The following PARP11 variants were observed in gnomAD, a reference collection of about 807,000 sequenced individuals.
PARP11 encodes protein mono-ADP-ribosyltransferase PARP11.
In PARP11, 31 loss-of-function variants were observed where a neutral mutation model predicts 42.9. That is an observed-to-expected ratio of 0.72 (90% CI 0.54 to 0.98). PARP11 has a LOEUF of 0.98. PARP11 is among the 50% of genes least tolerant of loss of function. PARP11 has a pLI of 0.00. For synonymous variants in PARP11, 137 were observed against 127.3 expected, an observed-to-expected ratio of 1.08 and a Z score of -0.51; for missense variants, 365 against 413.1, an observed-to-expected ratio of 0.88 and a Z score of 1.01.
intron 4 of PARP11, among the ~76,000 whole-genome samples, chr12:3,825,356 T>C (rs1054553479): frequency 3.3e-5 from 5 of 152,194 alleles, no homozygotes; most frequent in African/African-American, 1.2e-4. Flanking sequence ...AGCAATACTG[T>C]TGTCCACTGT....
At chr12:3,816,828 G>T (rs1303352583) in intron 6 of PARP11, among the ~76,000 whole-genome samples, 2 of 152,124 alleles carry the variant, frequency 1.3e-5, no homozygotes, top group African/African-American at 2.4e-5. Flanking sequence ...CTTGAATCCA[G>T]GAGGCGGAGG....
intron 4 of PARP11, chr12:3,824,564 A>T: frequency 7.5e-6 from 6 of 796,270 alleles, no homozygotes; most frequent in Non-Finnish European, 9.1e-6. Context: ...GACCTTCAAC[A>T]CCCTATTGTA....
intron 1 of PARP11, among the ~76,000 whole-genome samples, chr12:3,832,525 G>A (rs1473863122): frequency 6.6e-6 from 1 of 152,104 alleles, no homozygotes; most frequent in Non-Finnish European, 1.5e-5. Context: ...TAGTTTAATT[G>A]CTTTGCTTCA....
chr12:3,832,301 A>G (rs1192308566), intron 1 of PARP11, among the ~76,000 whole-genome samples: 1 of 152,204 alleles, frequency 6.6e-6, no homozygotes, highest in Non-Finnish European at 1.5e-5. Context: ...AATGTGCAGG[A>G]GAGATAAGTG....
chr12:3,823,389 T>C (rs1947444474), intron 4 of PARP11, among the ~76,000 whole-genome samples: 1 of 152,158 alleles, frequency 6.6e-6, no homozygotes, highest in South Asian at 2.1e-4. Context: ...AAAGCATACA[T>C]TTATTGCACC....
At chr12:3,842,667 T>C in intron 1 of PARP11, 1 of 613,192 alleles carries the variant, frequency 1.6e-6, no homozygotes, top group South Asian at 2.1e-5. Flanking sequence ...CAAGACATTG[T>C]GGACATGAGT....
At chr12:3,822,394 CG>C (rs1176051333) in intron 4 of PARP11, among the ~76,000 whole-genome samples, 2 of 149,868 alleles carry the variant, frequency 1.3e-5, no homozygotes, top group Non-Finnish European at 1.5e-5. Context: ...GTCAGGAGAT[CG>C]AGACCATCCT....
intron 1 of PARP11, among the ~76,000 whole-genome samples, chr12:3,849,643 G>A (rs74238893): frequency 0.14 from 20,881 of 152,150 alleles, 2,056 homozygotes; most frequent in East Asian, 0.43. Flanking sequence ...GGTTACCAGA[G>A]GCTGGGAAGG....
At position 3,828,901 on chromosome 12, in the gene PARP11, A is replaced by T. The variant is rs1947582146; in HGVS notation, c.268+9T>A. On this transcript the variant is annotated intron_variant, in intron 3 of 7. Transcript: ENST00000228820. ...TAAAAACACACAACTATTAGGGAAAAAAACATACCTGCAAAGTCTATCTTG... is the reference window on the plus strand; with the variant it reads ...TAAAAACACACAACTATTAGGGAAATAAACATACCTGCAAAGTCTATCTTG... The T allele has an allele frequency of 1.2e-6, 2 of 1,613,030 alleles. No individual in the cohort carries two copies. The highest frequency in any genetic ancestry group is 1.7e-6 in the Non-Finnish European group (2 of 1,179,334).
At chr12:3,836,112 TA>T (rs1435309323) in intron 1 of PARP11, among the ~76,000 whole-genome samples, 1 of 151,646 alleles carries the variant, frequency 6.6e-6, no homozygotes, top group Non-Finnish European at 1.5e-5. Context: ...AGAAGCTCAA[TA>T]AATTCCAAAA....
At chr12:3,862,205 A>T (rs1460275195) in intron 1 of PARP11, among the ~76,000 whole-genome samples, 1 of 152,206 alleles carries the variant, frequency 6.6e-6, no homozygotes, top group Non-Finnish European at 1.5e-5. Context: ...CACCCAGAAG[A>T]TTGAGACCAG....
chr12:3,820,974 A>G (rs527615698), intron 6 of PARP11, among the ~76,000 whole-genome samples: 1 of 152,328 alleles, frequency 6.6e-6, no homozygotes, highest in South Asian at 2.1e-4. Context: ...AGTCAGCCTA[A>G]TTCTCAGGTA....
intron 1 of PARP11, among the ~76,000 whole-genome samples, chr12:3,870,100 T>G (rs1948448428): frequency 1.3e-5 from 2 of 152,212 alleles, no homozygotes; most frequent in Non-Finnish European, 2.9e-5. Flanking sequence ...TTCCATTTCA[T>G]ATTTTCAGAC....
rs563445810 is a variant in PARP11, at chr12:3,822,996, T to C, written c.345-839A>G. On this transcript the variant is annotated intron_variant, in intron 4 of 7. Coordinates refer to ENST00000228820, the MANE Select transcript of PARP11 (RefSeq NM_020367.6). ...GTTATTAGCACAGTCAGTCAGTAAA[T>C]CTTAAAAACTATCAGACATGTTCAA... is the stretch of plus-strand genomic sequence containing the variant. Among the ~76,000 whole-genome samples the C allele has an allele frequency of 6.6e-5, 10 of 152,258 alleles. No homozygotes were observed. In the East Asian group the frequency reaches 1.9e-3, roughly 29 times the overall value.
At position 3,840,995 on chromosome 12, in the gene PARP11, G is replaced by T; in HGVS notation, c.19-10977C>A. 6.2e-7 allele frequency: 1 copy of T among 1,603,384 alleles called. No individual in the cohort carries two copies. The highest frequency in any genetic ancestry group is 1.1e-5 in the South Asian group (1 of 90,792). On this transcript the variant is annotated intron_variant, in intron 1 of 7. Coordinates refer to ENST00000228820, the MANE Select transcript of PARP11 (RefSeq NM_020367.6). The surrounding 1 kb of genome is among the most constrained non-coding windows in gnomAD (Gnocchi z 4.4). ...GAACCTACAACTTTTGGACCAACAG[G>T]TGTCCCTGCTCCAATTCCTGGTCGG...
intron 1 of PARP11, chr12:3,872,781 A>T (rs1166415749): frequency 2.0e-6 from 2 of 985,278 alleles, no homozygotes; most frequent in East Asian, 2.3e-4. Context: ...CCAATTAGAA[A>T]GCAAAACACA....
In PARP11 at chr12:3,858,612, G is replaced by A. The variant is rs185886297; in HGVS notation, c.18+14600C>T. 3.9e-5 allele frequency among the ~76,000 whole-genome samples: 6 copies of A among 152,290 alleles called. No homozygotes were observed. In the East Asian group the frequency reaches 7.7e-4, roughly 20 times the overall value. Reference sequence around the variant, plus strand: ...TAAAGTCAAAAAATACAGTGTATAGGAGCATTTTAATCAAAACACAGCATC... The same window carrying A: ...TAAAGTCAAAAAATACAGTGTATAGAAGCATTTTAATCAAAACACAGCATC... On this transcript the variant is annotated intron_variant, in intron 1 of 7. Coordinates refer to ENST00000228820, the MANE Select transcript of PARP11 (RefSeq NM_020367.6).
At chr12:3,817,896 C>T (rs963516035) in intron 6 of PARP11, among the ~76,000 whole-genome samples, 4 of 152,268 alleles carry the variant, frequency 2.6e-5, no homozygotes, top group East Asian at 1.9e-4. Flanking sequence ...AGATCTGTGG[C>T]GGGTGACAGG....
At chr12:3,865,705 CTATT>C (rs936371904) in intron 1 of PARP11, among the ~76,000 whole-genome samples, 5 of 152,042 alleles carry the variant, frequency 3.3e-5, no homozygotes, top group Non-Finnish European at 7.4e-5. Context: ...GTATCTTTCT[CTATT>C]TAGTTTTATT....
Sources: allele counts gnomAD v4.1 joint callset (sites outside exome capture counted in the v4.1 genomes callset), GRCh38; gene constraint gnomAD v4.1.1; non-coding constraint Gnocchi (gnomAD v3.1); transcripts MANE v1.5; gene names NCBI Gene and HGNC (gene_info 2026-07-23, HGNC 2026-07-21).